Variants in ALPK1 observed in about 807,000 individuals in gnomAD.
ALPK1 encodes the protein alpha-protein kinase 1.
In ALPK1, 110 loss-of-function variants were observed where a neutral mutation model predicts 120.6. The ratio of observed to expected loss-of-function variants is 0.91; its 90% CI spans 0.78 to 1.07. ALPK1 has a LOEUF of 1.07. ALPK1 is among the 50% of genes least tolerant of loss of function. The pLI, the probability that ALPK1 is intolerant of heterozygous loss-of-function variation, is 0.00. For synonymous variants in ALPK1, 582 were observed against 560.3 expected (o/e 1.04, Z -0.55); for missense variants, 1,498 against 1,483.9 (o/e 1.01, Z -0.16).
At chr4:112,345,444 T>A (rs1730060152) in intron 2 of ALPK1, among the ~76,000 whole-genome samples, 2 of 152,146 alleles carry the variant, frequency 1.3e-5, no homozygotes, top group Admixed American at 1.3e-4. Flanking sequence ...ATATGCATAA[T>A]CTGGACTTAA....
chr4:112,431,684 T>C lies in ALPK1; in HGVS notation c.2137T>C (p.Ser713Pro). The change falls in exon 11 of 16, where the codon TCC becomes CCC. Residue 713 changes from serine (S) to proline (P), a missense_variant. Ser to Pro is a moderately conservative substitution (Grantham distance 74, BLOSUM62 -1). Transcript: ENST00000650871. Reference sequence around the variant, plus strand: ...GGGACCCAGAAATACTTCTGCTCACTCCAGACCCTCATATCGTTCTGCTTC... The same window carrying C: ...GGGACCCAGAAATACTTCTGCTCACCCCAGACCCTCATATCGTTCTGCTTC... ...NMGPRNTSAH[S>P]RPSYRSASWS... 6.2e-7 allele frequency: 1 copy of C among 1,614,210 alleles called. No individual in the cohort carries two copies. Among genetic ancestry groups the C allele is most frequent in the Non-Finnish European group, 8.5e-7 (1 of 1,180,032 alleles).
At chr4:112,426,363 G>A (rs1224025444) in intron 7 of ALPK1, 104 bp from the exon 8 acceptor site, 3 of 770,168 alleles carry the variant, frequency 3.9e-6, no homozygotes, top group Non-Finnish European at 4.3e-6. Flanking sequence ...AGAATCTAAT[G>A]AGTCTTGGTT....
intron 2 of ALPK1, among the ~76,000 whole-genome samples, chr4:112,327,333 A>G (rs1729157141): frequency 6.6e-6 from 1 of 152,210 alleles, no homozygotes; most frequent in Admixed American, 6.5e-5. Flanking sequence ...TAAGTAATAA[A>G]CATATGTAAG....
At chr4:112,389,295 A>G (rs1044435258) in intron 4 of ALPK1, among the ~76,000 whole-genome samples, 9 of 152,114 alleles carry the variant, frequency 5.9e-5, no homozygotes, top group Admixed American at 5.9e-4. Flanking sequence ...CGCCTGCCTC[A>G]GCCTAACCAA....
At chr4:112,407,679 G>T (rs759261923) in intron 4 of ALPK1, among the ~76,000 whole-genome samples, 13 of 152,106 alleles carry the variant, frequency 8.5e-5, no homozygotes, top group Admixed American at 3.3e-4. Flanking sequence ...AGACTAGATG[G>T]TCCTATACAA....
intron 1 of ALPK1, among the ~76,000 whole-genome samples, chr4:112,306,546 T>A (rs1387772940): frequency 6.6e-6 from 1 of 152,164 alleles, no homozygotes; most frequent in Non-Finnish European, 1.5e-5. Context: ...TAGAGGTGTT[T>A]ATAGTATTCT....
chr4:112,332,124 C>G (rs890695802), intron 2 of ALPK1, among the ~76,000 whole-genome samples: 1 of 152,096 alleles, frequency 6.6e-6, no homozygotes, highest in African/African-American at 2.4e-5. Context: ...CTCTACGGTC[C>G]CAAGGGCTAA....
In ALPK1 at chr4:112,360,644, C is replaced by T. The variant is rs560415015; in HGVS notation, c.-100-17034C>T. Among the ~76,000 whole-genome samples the T allele has an allele frequency of 2.6e-5, 4 of 152,310 alleles. No individual in the cohort carries two copies. The East Asian group carries it at 7.7e-4, about 29-fold the overall frequency. On this transcript the variant is annotated intron_variant, in intron 2 of 15. Coordinates refer to ENST00000650871, the MANE Select transcript of ALPK1 (RefSeq NM_025144.4). ...TTGCTGATTAGTTCTGCTTGACGCT[C>T]AAGCCCTTGATAGTGATCTTTCTTC...
chr4:112,431,603 C>T lies in ALPK1; in HGVS notation c.2056C>T (p.Pro686Ser), dbSNP rs765871920. The T allele has an allele frequency of 1.9e-5, 31 of 1,614,022 alleles. No homozygotes were observed. The highest frequency in any genetic ancestry group is 1.0e-4 in the Admixed American group (6 of 60,004). Residue 686 changes from proline to serine, a missense_variant, in exon 11 of 16, where the codon CCT becomes TCT. By Grantham distance (74) the Pro-to-Ser change is moderately conservative. Coordinates refer to ENST00000650871, the MANE Select transcript of ALPK1 (RefSeq NM_025144.4). ...TAATACCCCAGGCATTTTCTTGGCCCCTGGTGCAGGGCTTCTAGAAGGAGC... is the reference window on the plus strand; with the variant it reads ...TAATACCCCAGGCATTTTCTTGGCCTCTGGTGCAGGGCTTCTAGAAGGAGC... ...PHNTPGIFLA[P>S]GAGLLEGAPE...
chr4:112,377,089 A>T (rs1731698951), intron 2 of ALPK1, among the ~76,000 whole-genome samples: 1 of 152,172 alleles, frequency 6.6e-6, no homozygotes, highest in Admixed American at 6.5e-5. Context: ...TGACAGATCC[A>T]TCCGTTTGAT....
Position 112,362,129 on chromosome 4 carries a change from A to G in ALPK1, c.-100-15549A>G, listed in dbSNP as rs189973268. Among the ~76,000 whole-genome samples, 369 of 152,348 alleles carry G rather than the reference A, an allele frequency of 2.4e-3. 1 individual carries two copies. The highest frequency in any genetic ancestry group is 3.9e-3 in the Non-Finnish European group (265 of 68,038). On this transcript the variant is annotated intron_variant, in intron 2 of 15. Coordinates refer to ENST00000650871, the MANE Select transcript of ALPK1 (RefSeq NM_025144.4). ...ATCCTCCCTCTGACATAGTCTAACC[A>G]AATGAGAAGGAACCAGACAAACAAT... is the stretch of plus-strand genomic sequence containing the variant.
downstream of ALPK1, chr4:112,442,621 A>ACAGC (rs1735081236): frequency 2.0e-5 from 3 of 151,906 alleles, no homozygotes; most frequent in Admixed American, 6.6e-5. Flanking sequence ...AAAAAAAATC[A>ACAGC]TTGAATATTG....
At chr4:112,364,721 C>T (rs1456133203) in intron 2 of ALPK1, among the ~76,000 whole-genome samples, 1 of 152,046 alleles carries the variant, frequency 6.6e-6, no homozygotes, top group African/African-American at 2.4e-5. Flanking sequence ...CCACTATTGC[C>T]CTAATACCAA....
intron 4 of ALPK1, among the ~76,000 whole-genome samples, chr4:112,409,579 A>T (rs1046396933): frequency 6.6e-6 from 1 of 152,082 alleles, no homozygotes; most frequent in South Asian, 2.1e-4. Flanking sequence ...CAAGCAGAAT[A>T]CTCCATGTAG....
intron 2 of ALPK1, among the ~76,000 whole-genome samples, chr4:112,339,536 T>TA (rs1196075550): frequency 6.6e-6 from 1 of 152,280 alleles, no homozygotes; most frequent in African/African-American, 2.4e-5. Flanking sequence ...ACTTTTCTTT[T>TA]AAAAAAATAA....
chr4:112,400,272 G>A (rs1732848427), intron 4 of ALPK1, among the ~76,000 whole-genome samples: 1 of 152,176 alleles, frequency 6.6e-6, no homozygotes, highest in Non-Finnish European at 1.5e-5. Flanking sequence ...GATGAGAATT[G>A]AATCTATAAG....
Position 112,435,266 on chromosome 4 carries a change from G to C in ALPK1, c.3153G>C (p.Trp1051Cys). ...AAGGCAGACAAAGAAATGCTTTTTG[G>C]GTTCATCATCTTCATCAAGAAGAAA... ...KKKGRQRNAF[W>C]VHHLHQEEIL... The change falls in exon 12 of 16, where the codon TGG becomes TGC. Residue 1051 changes from tryptophan (W) to cysteine (C), a missense_variant. Coordinates refer to ENST00000650871, the MANE Select transcript of ALPK1 (RefSeq NM_025144.4). 1.2e-6 allele frequency: 2 copies of C among 1,612,280 alleles called. No homozygotes were observed. The highest frequency in any genetic ancestry group is 1.1e-5 in the South Asian group (1 of 90,754).
At position 112,415,642 on chromosome 4, in the gene ALPK1, AAAAG is replaced by A. The variant is rs770464685; in HGVS notation, c.475+3629_475+3632del. ...ACAGTGAGACTCTGTCTCAAAAAAA[AAAAG>A]AAAGAAAGAAAACAAAAAAGAAAAA... On this transcript the variant is annotated intron_variant, in intron 5 of 15. Coordinates refer to ENST00000650871, the MANE Select transcript of ALPK1 (RefSeq NM_025144.4). Among the ~76,000 whole-genome samples, 19 of 138,512 alleles carry A rather than the reference AAAAG, an allele frequency of 1.4e-4. No homozygotes were observed. In the East Asian group the frequency reaches 2.0e-3, roughly 15 times the overall value. The allele number at this position is 138,512 out of a possible 152,430, so 90.9% of individuals were successfully genotyped here.
At chr4:112,433,221 A>G (rs983826385) in intron 11 of ALPK1, among the ~76,000 whole-genome samples, 1 of 152,234 alleles carries the variant, frequency 6.6e-6, no homozygotes, top group Admixed American at 6.5e-5. Context: ...TGGGTAGCAT[A>G]TGAACAACAG....
Sources: allele counts gnomAD v4.1 joint callset (sites outside exome capture counted in the v4.1 genomes callset), GRCh38; gene constraint gnomAD v4.1.1; transcripts MANE v1.5; gene names NCBI Gene and HGNC (gene_info 2026-07-23, HGNC 2026-07-21).